Variants in RABGAP1 observed in about 807,000 individuals in gnomAD.
The protein encoded by RABGAP1 is rab GTPase-activating protein 1.
In RABGAP1, 23 loss-of-function variants were observed where a neutral mutation model predicts 137.6. The observed-to-expected ratio is 0.17, with a 90% confidence interval of 0.12 to 0.24. The LOEUF is 0.24. Among genes scored for constraint, RABGAP1 ranks in the 10% least tolerant of loss-of-function variants. The probability of loss-of-function intolerance (pLI) is 1.00; values close to 1 mark genes in which losing one functional copy is unlikely to be tolerated. For missense variants in RABGAP1, 906 were observed against 1,275.8 expected (o/e 0.71, Z 4.42); for synonymous variants, 451 against 450.7 (o/e 1.00, Z -0.01).
chr9:122,931,832 CCG>C, the RABGAP1 span, among the ~76,000 whole-genome samples: 4 of 152,244 alleles, frequency 2.6e-5, no homozygotes, highest in Non-Finnish European at 5.9e-5. Flanking sequence ...CCTAGACGGT[CCG>C]CTGCCTCCTT....
At chr9:123,053,971 C>T (rs1281399103) in intron 13 of RABGAP1, among the ~76,000 whole-genome samples, 1 of 152,184 alleles carries the variant, frequency 6.6e-6, no homozygotes, top group Admixed American at 6.5e-5. Flanking sequence ...AGCCAATTCT[C>T]ACAGTAAGGT....
chr9:123,093,382 G>A (rs2035086525), intron 21 of RABGAP1, among the ~76,000 whole-genome samples: 1 of 152,182 alleles, frequency 6.6e-6, no homozygotes, highest in African/African-American at 2.4e-5. Context: ...AAAAGGATGA[G>A]GGGAAGCTAT....
chr9:123,097,859 C>T lies in RABGAP1; in HGVS notation c.2733+14C>T. 2 of 1,600,670 alleles carry T rather than the reference C, an allele frequency of 1.2e-6. No homozygotes were observed. The highest frequency in any genetic ancestry group is 4.5e-5 in the East Asian group (2 of 44,698). ...GAGTCTGCTCAGGTAAGGGAACTCT[C>T]CCACATTCCTCTGTCTTGCAAATGC... On this transcript the variant is annotated intron_variant, in intron 22 of 25. Transcript: ENST00000373647.
chr9:123,056,657 T>C (rs2033713098), intron 13 of RABGAP1, among the ~76,000 whole-genome samples: 1 of 151,770 alleles, frequency 6.6e-6, no homozygotes, highest in Non-Finnish European at 1.5e-5. Flanking sequence ...CCCTGGGTAC[T>C]TGAGATTAGG....
At chr9:122,971,688 C>A (rs554795140) in intron 2 of RABGAP1, 1 of 152,210 alleles carries the variant, frequency 6.6e-6, no homozygotes, top group African/African-American at 2.4e-5. Context: ...AAAAGTGCAG[C>A]AGATATGTTA....
At chr9:122,961,699 T>C (rs554282194) in intron 2 of RABGAP1, among the ~76,000 whole-genome samples, 175 of 152,370 alleles carry the variant, frequency 1.1e-3, no homozygotes, top group Non-Finnish European at 2.0e-3. Context: ...AGGCACTTAA[T>C]AGCTGTAAAG....
chr9:123,026,198 C>T (rs1056666083), intron 13 of RABGAP1, among the ~76,000 whole-genome samples: 1 of 151,952 alleles, frequency 6.6e-6, no homozygotes, highest in Non-Finnish European at 1.5e-5. Context: ...GTGGTGGGCA[C>T]CTATAATCAC....
Position 123,089,711 on chromosome 9 carries a change from CACTACTTTCTAAT to C in RABGAP1, c.2425-43_2425-31del, listed in dbSNP as rs1258365117. 2.7e-6 allele frequency: 4 copies of C among 1,497,404 alleles called. No individual in the cohort carries two copies. The Admixed American group carries it at 5.3e-5, about 20-fold the overall frequency. 92.8% of individuals were successfully genotyped at this position (1,497,404 alleles called of 1,614,324 possible). On this transcript the variant is annotated intron_variant, in intron 19 of 25. Coordinates refer to ENST00000373647, the MANE Select transcript of RABGAP1 (RefSeq NM_012197.4). ...TCTTCAGTGCAGGCACTGAAGCACC[CACTACTTTCTAAT>C]ACTTCTTAATTTACCCTATGATTTA...
the RABGAP1 span, among the ~76,000 whole-genome samples, chr9:122,932,588 G>A: frequency 9.2e-5 from 14 of 151,900 alleles, no homozygotes; most frequent in African/African-American, 3.4e-4. Flanking sequence ...GGAGTGCAAT[G>A]GTGTGATCTC....
At chr9:122,994,694 A>C (rs537230037) in intron 6 of RABGAP1, among the ~76,000 whole-genome samples, 1 of 152,358 alleles carries the variant, frequency 6.6e-6, no homozygotes, top group South Asian at 2.1e-4. Context: ...ATTATCTTAA[A>C]GTTGTACAGA....
At chr9:122,934,076 CTTTTCTTTTTT>C in the RABGAP1 span, among the ~76,000 whole-genome samples, 2 of 148,684 alleles carry the variant, frequency 1.3e-5, no homozygotes, top group Middle Eastern at 3.2e-3. Context: ...CTTTTCTTTT[CTTTTCTTTTTT>C]TTTTTTTTGA....
chr9:123,018,082 C>T (rs912003535), intron 12 of RABGAP1, among the ~76,000 whole-genome samples: 5 of 152,026 alleles, frequency 3.3e-5, no homozygotes, highest in African/African-American at 1.2e-4. Flanking sequence ...CAGGCTCTGC[C>T]CCCCGGGGTT....
upstream of RABGAP1, among the ~76,000 whole-genome samples, chr9:122,937,124 C>T (rs184475568): frequency 6.6e-6 from 1 of 152,104 alleles, no homozygotes; most frequent in Non-Finnish European, 1.5e-5. Context: ...CATAGTGAGA[C>T]CCCATCTCTA....
chr9:123,093,982 A>C (rs991263809), intron 21 of RABGAP1, among the ~76,000 whole-genome samples: 1 of 152,194 alleles, frequency 6.6e-6, no homozygotes, highest in Non-Finnish European at 1.5e-5. Context: ...TGTTCAATTT[A>C]CAAGACGTGC....
chr9:123,089,891 T>A, intron 20 of RABGAP1, 41 bp downstream of exon 20: 1 of 1,504,382 alleles, frequency 6.6e-7, no homozygotes, highest in Non-Finnish European at 9.2e-7. Flanking sequence ...GCTCCCATGC[T>A]TTCATTTCAT....
At chr9:122,984,742 C>A (rs372271830) in intron 3 of RABGAP1, 23 bp downstream of exon 3, 2 of 1,598,594 alleles carry the variant, frequency 1.3e-6, no homozygotes, top group Middle Eastern at 1.7e-4. Context: ...GCATTGCTTG[C>A]GTAACTGAAG....
At chr9:123,065,275 A>G (rs113009663) in intron 13 of RABGAP1, 73 bp from the exon 14 acceptor site, 1 of 1,051,852 alleles carries the variant, frequency 9.5e-7, no homozygotes, top group Admixed American at 2.0e-5. Flanking sequence ...AAATGAGAAG[A>G]CCTTGCCTAA....
intron 13 of RABGAP1, among the ~76,000 whole-genome samples, chr9:123,027,852 T>A (rs1231000620): frequency 6.6e-6 from 1 of 152,238 alleles, no homozygotes; most frequent in Non-Finnish European, 1.5e-5. Flanking sequence ...TGCCTTGTCC[T>A]ACATGAAAAT....
At chr9:123,016,309 C>T (rs1266371633) in intron 12 of RABGAP1, among the ~76,000 whole-genome samples, 1 of 152,102 alleles carries the variant, frequency 6.6e-6, no homozygotes, top group Non-Finnish European at 1.5e-5. Context: ...GAATTCAAGA[C>T]CAGCCTGGAC....
Sources: gnomAD v4.1 joint callset for allele counts (sites outside exome capture counted in the v4.1 genomes callset) on GRCh38, gnomAD v4.1.1 for gene constraint, MANE v1.5 for transcripts, NCBI Gene and HGNC (gene_info 2026-07-23, HGNC 2026-07-21) for gene names.